The following SAXO1 variants were observed in gnomAD, a reference collection of about 807,000 sequenced individuals.
SAXO1 encodes stabilizer of axonemal microtubules 1.
In SAXO1, 21 loss-of-function variants were observed where a neutral mutation model predicts 17.5. The observed-to-expected ratio is 1.20, with a 90% CI of 0.85 to 1.72. The LOEUF (loss-of-function observed/expected upper bound fraction) is 1.72. SAXO1 is among the 40% of genes most tolerant of loss of function. SAXO1 has a pLI of 0.00. For synonymous variants in SAXO1, 274 were observed against 216.5 expected (o/e 1.27, Z -2.33); for missense variants, 843 against 596.0 (o/e 1.41, Z -4.32).
chr9:19,021,664 A>G (rs1835238350), intron 1 of SAXO1, among the ~76,000 whole-genome samples: 1 of 152,212 alleles, frequency 6.6e-6, no homozygotes, highest in Non-Finnish European at 1.5e-5. Flanking sequence ...TGCAATCCCA[A>G]CAGTCATAGT....
At chr9:18,967,028 A>T (rs1424099974) in intron 1 of SAXO1, among the ~76,000 whole-genome samples, 1 of 152,160 alleles carries the variant, frequency 6.6e-6, no homozygotes, top group African/African-American at 2.4e-5. Context: ...CTAGAGTTTG[A>T]TGGAGGTGCA....
intron 1 of SAXO1, chr9:19,027,797 C>A: frequency 6.6e-7 from 1 of 1,509,228 alleles, no homozygotes; most frequent in South Asian, 1.2e-5. Context: ...TGGCTTCCAG[C>A]CCAACACCCA....
upstream of SAXO1, among the ~76,000 whole-genome samples, chr9:19,037,727 T>G (rs1835977760): frequency 6.6e-6 from 1 of 152,208 alleles, no homozygotes; most frequent in Non-Finnish European, 1.5e-5. Context: ...TAAACTTCCC[T>G]AACCCTGGTA....
chr9:19,039,100 A>C (rs1024097169), intron 1 of SAXO1, among the ~76,000 whole-genome samples: 1 of 151,516 alleles, frequency 6.6e-6, no homozygotes, highest in African/African-American at 2.4e-5. Flanking sequence ...ACACCACTGC[A>C]CTCCAGCCTG....
intron 1 of SAXO1, among the ~76,000 whole-genome samples, chr9:18,968,454 T>A (rs1832814380): frequency 6.6e-6 from 1 of 152,236 alleles, no homozygotes; most frequent in African/African-American, 2.4e-5. Context: ...CACTTTTAAA[T>A]TCTCTTAAGT....
chr9:19,044,271 T>G (rs1027887367), intron 1 of SAXO1, among the ~76,000 whole-genome samples: 1 of 152,208 alleles, frequency 6.6e-6, no homozygotes, highest in Admixed American at 6.5e-5. Flanking sequence ...CTCATAAATA[T>G]ATACACCTAC....
chr9:19,025,365 A>T (rs1056199090), intron 1 of SAXO1, among the ~76,000 whole-genome samples: 6 of 152,112 alleles, frequency 3.9e-5, no homozygotes, highest in African/African-American at 1.2e-4. Flanking sequence ...CAAGTCCTCA[A>T]TTTTTTTTCC....
intron 1 of SAXO1, among the ~76,000 whole-genome samples, chr9:19,020,065 T>C (rs960044667): frequency 2.0e-5 from 3 of 150,854 alleles, no homozygotes; most frequent in African/African-American, 7.3e-5. Context: ...CATCCTTCAG[T>C]TGTGGTCTGA....
At chr9:19,042,879 A>G (rs1563998859) in intron 1 of SAXO1, among the ~76,000 whole-genome samples, 1 of 151,160 alleles carries the variant, frequency 6.6e-6, no homozygotes, top group Non-Finnish European at 1.5e-5. Context: ...AGAAAGAAAG[A>G]AAGAAAATGT....
Position 18,990,660 on chromosome 9 carries a change from C to A in SAXO1, c.39-39723G>T, listed in dbSNP as rs369847825. 8.2e-4 allele frequency among the ~76,000 whole-genome samples: 125 copies of A among 152,286 alleles called. 1 individual carries two copies. Among genetic ancestry groups the A allele is most frequent in the Non-Finnish European group, 1.5e-3 (101 of 68,026 alleles). ...TGCACAGCAGAAGGTGAGTGGCAGG[C>A]GAGCAAGTGAAGCTTCATCTGTATT... is the stretch of plus-strand genomic sequence containing the variant. On this transcript the variant is annotated intron_variant, in intron 1 of 3. Coordinates refer to ENST00000380534, the MANE Select transcript of SAXO1 (RefSeq NM_153707.4).
At chr9:19,007,666 A>G (rs1419300311) in intron 1 of SAXO1, among the ~76,000 whole-genome samples, 1 of 152,174 alleles carries the variant, frequency 6.6e-6, no homozygotes, top group Non-Finnish European at 1.5e-5. Flanking sequence ...TCAACAAACT[A>G]TGGCCTTAGA....
At chr9:18,933,201 G>A (rs928598911) in intron 3 of SAXO1, among the ~76,000 whole-genome samples, 4 of 152,176 alleles carry the variant, frequency 2.6e-5, no homozygotes, top group Non-Finnish European at 4.4e-5. Flanking sequence ...GGCTGAGGAA[G>A]TTTCCTTCTA....
At chr9:19,044,385 TCTC>T (rs1415565274) in intron 1 of SAXO1, among the ~76,000 whole-genome samples, 3 of 152,202 alleles carry the variant, frequency 2.0e-5, no homozygotes, top group Non-Finnish European at 4.4e-5. Flanking sequence ...TAGATTAAGA[TCTC>T]TCCTATTTCC....
intron 1 of SAXO1, among the ~76,000 whole-genome samples, chr9:18,959,281 G>C (rs947191985): frequency 3.3e-5 from 5 of 152,188 alleles, no homozygotes; most frequent in Non-Finnish European, 7.3e-5. Flanking sequence ...CAGAGAAACA[G>C]ATTCGCAGAT....
intron 1 of SAXO1, chr9:19,026,941 T>C (rs779723189): frequency 8.9e-5 from 76 of 854,272 alleles, no homozygotes; most frequent in Non-Finnish European, 1.4e-4. Context: ...GGGGTGGAGG[T>C]GCTCAACATG....
At chr9:18,994,221 T>C (rs1833921308) in intron 1 of SAXO1, among the ~76,000 whole-genome samples, 2 of 151,674 alleles carry the variant, frequency 1.3e-5, no homozygotes. Flanking sequence ...GCTATGCCTA[T>C]GTGGGTGTGT....
chr9:18,953,798 G>A (rs10757009), intron 1 of SAXO1, among the ~76,000 whole-genome samples: 85,716 of 151,756 alleles, frequency 0.56, 26,952 homozygotes, highest in Non-Finnish European at 0.71. Context: ...GATAAACAGT[G>A]TGTAAGAGGA....
chr9:19,028,135 G>A, intron 1 of SAXO1: 1 of 1,589,294 alleles, frequency 6.3e-7, no homozygotes, highest in Non-Finnish European at 8.6e-7. Context: ...CTACGCCTAG[G>A]GCACGGCAGG....
At chr9:19,007,834 T>A (rs1298778992) in intron 1 of SAXO1, among the ~76,000 whole-genome samples, 1 of 152,234 alleles carries the variant, frequency 6.6e-6, no homozygotes, top group African/African-American at 2.4e-5. Context: ...TTCAAGGTAA[T>A]AAATTAAGTT....
Sources: gnomAD v4.1 joint callset for allele counts (sites outside exome capture counted in the v4.1 genomes callset) on GRCh38, gnomAD v4.1.1 for gene constraint, MANE v1.5 for transcripts, NCBI Gene and HGNC (gene_info 2026-07-23, HGNC 2026-07-21) for gene names.